The following GPC5 variants were observed in gnomAD, a reference collection of about 807,000 sequenced individuals.
GPC5 encodes glypican-5.
In GPC5, 47 loss-of-function variants were observed where a neutral mutation model predicts 53.9. The observed-to-expected ratio is 0.87, with a 90% CI of 0.69 to 1.11. The LOEUF (loss-of-function observed/expected upper bound fraction) is 1.11, where lower values mean the gene tolerates loss of function less well. Ranked by LOEUF, GPC5 falls within the 50% of genes most tolerant of loss-of-function variation. The pLI, the probability that GPC5 is intolerant of heterozygous loss-of-function variation, is 0.00. For missense variants in GPC5, 748 were observed against 713.1 expected (o/e 1.05, Z -0.56); for synonymous variants, 286 against 263.3 (o/e 1.09, Z -0.84).
intron 7 of GPC5, among the ~76,000 whole-genome samples, chr13:92,585,274 G>T (rs1883502987): frequency 6.6e-6 from 1 of 152,158 alleles, no homozygotes; most frequent in Non-Finnish European, 1.5e-5. Context: ...AGGGGTGGAG[G>T]TGCCCAAGAC....
intron 5 of GPC5, among the ~76,000 whole-genome samples, chr13:91,794,270 T>C (rs1189737081): frequency 6.6e-6 from 1 of 152,166 alleles, no homozygotes. Flanking sequence ...AGAGGGCTGA[T>C]TTCTAGGGTT....
At chr13:91,677,526 A>G (rs942516761) in intron 2 of GPC5, among the ~76,000 whole-genome samples, 1 of 152,202 alleles carries the variant, frequency 6.6e-6, no homozygotes, top group African/African-American at 2.4e-5. Flanking sequence ...CTCAAGTCCC[A>G]GAGCTGGTTA....
chr13:92,747,729 T>C (rs1325301857), intron 7 of GPC5, among the ~76,000 whole-genome samples: 2 of 152,210 alleles, frequency 1.3e-5, no homozygotes, highest in African/African-American at 4.8e-5. Flanking sequence ...AACATGTAGA[T>C]TCTCCCTGAT....
At chr13:92,610,992 C>A (rs1256249706) in intron 7 of GPC5, among the ~76,000 whole-genome samples, 2 of 133,828 alleles carry the variant, frequency 1.5e-5, no homozygotes, top group Non-Finnish European at 3.2e-5. Context: ...TTTGCTTAAT[C>A]TAGGTAGATT....
intron 5 of GPC5, among the ~76,000 whole-genome samples, chr13:91,787,453 A>C (rs895217997): frequency 3.3e-5 from 5 of 152,132 alleles, no homozygotes; most frequent in Non-Finnish European, 5.9e-5. Context: ...ATTTGTTAAT[A>C]TGGTGAATTA....
rs564640230 is a variant in GPC5 at position 91,986,438 on chromosome 13, T to G, written c.1401+78381T>G. 1.8e-4 allele frequency among the ~76,000 whole-genome samples: 28 copies of G among 152,346 alleles called. 1 individual carries two copies. The South Asian group carries it at 5.8e-3, about 32-fold the overall frequency. On this transcript the variant is annotated intron_variant, in intron 6 of 7. Transcript: ENST00000377067. ...TACTAGAAACTACGATTTAGATGAA[T>G]CTTTCAGATGAAATTAATTTGTAAA...
intron 7 of GPC5, among the ~76,000 whole-genome samples, chr13:92,428,259 T>A (rs768660958): frequency 1.3e-5 from 2 of 152,280 alleles, no homozygotes; most frequent in African/African-American, 4.8e-5. Context: ...GATATCCTGG[T>A]TGAGTTGAGC....
intron 6 of GPC5, among the ~76,000 whole-genome samples, chr13:92,059,606 A>G (rs1267716718): frequency 6.6e-6 from 1 of 151,974 alleles, no homozygotes; most frequent in Non-Finnish European, 1.5e-5. Context: ...ACCTGATGTC[A>G]TTTATAATGA....
At chr13:92,698,962 A>C (rs1260726811) in intron 7 of GPC5, among the ~76,000 whole-genome samples, 2 of 151,870 alleles carry the variant, frequency 1.3e-5, no homozygotes, top group African/African-American at 4.8e-5. Context: ...CAAATGAGTT[A>C]GGGATAGCTG....
At chr13:91,437,828 TC>T (rs1352089296) in intron 1 of GPC5, among the ~76,000 whole-genome samples, 7 of 152,248 alleles carry the variant, frequency 4.6e-5, no homozygotes, top group Non-Finnish European at 1.0e-4. Context: ...TTTCACATAG[TC>T]CCATATTTCT....
At chr13:92,442,891 T>G (rs1374713558) in intron 7 of GPC5, among the ~76,000 whole-genome samples, 1 of 152,216 alleles carries the variant, frequency 6.6e-6, no homozygotes, top group East Asian at 1.9e-4. Context: ...CTATACCCAG[T>G]AGCCACTTGA....
intron 7 of GPC5, among the ~76,000 whole-genome samples, chr13:92,303,537 G>A (rs1455563112): frequency 2.0e-5 from 3 of 152,008 alleles, no homozygotes; most frequent in Non-Finnish European, 2.9e-5. Context: ...ATTGTGTCAG[G>A]GAGACAGGCC....
At chr13:91,638,159 C>T (rs1486086481) in intron 2 of GPC5, among the ~76,000 whole-genome samples, 3 of 152,164 alleles carry the variant, frequency 2.0e-5, no homozygotes, top group Non-Finnish European at 4.4e-5. Context: ...AGGGGCTGCT[C>T]ACCTAGAAAC....
At chr13:92,411,776 T>C (rs1421470597) in intron 7 of GPC5, among the ~76,000 whole-genome samples, 1 of 152,242 alleles carries the variant, frequency 6.6e-6, no homozygotes. Flanking sequence ...ATGATGTATA[T>C]AAATCCATAT....
intron 7 of GPC5, among the ~76,000 whole-genome samples, chr13:92,383,872 G>A (rs901401661): frequency 6.6e-6 from 1 of 152,066 alleles, no homozygotes; most frequent in African/African-American, 2.4e-5. Flanking sequence ...CTCTAAGAAT[G>A]CAACTGTCAG....
intron 6 of GPC5, among the ~76,000 whole-genome samples, chr13:92,143,855 T>G (rs2041847898): frequency 6.6e-6 from 1 of 152,146 alleles, no homozygotes. Flanking sequence ...TAATATTATT[T>G]GGAAAGTCAC....
At chr13:91,564,390 G>A (rs1426203154) in intron 2 of GPC5, among the ~76,000 whole-genome samples, 2 of 152,112 alleles carry the variant, frequency 1.3e-5, no homozygotes, top group Non-Finnish European at 2.9e-5. Context: ...CAAGATCTGG[G>A]TACAAACAGC....
rs150523712 is a variant in GPC5, at chr13:91,955,623, C to G, written c.1401+47566C>G. Reference sequence around the variant, plus strand: ...ACCCCCAGTGGTCCCATTCCCACTCCTAGCCATGGGAAAGCCCCTCAACCC... The same window carrying G: ...ACCCCCAGTGGTCCCATTCCCACTCGTAGCCATGGGAAAGCCCCTCAACCC... On this transcript the variant is annotated intron_variant, in intron 6 of 7. Transcript: ENST00000377067. 7.0e-3 allele frequency among the ~76,000 whole-genome samples: 1,063 copies of G among 152,268 alleles called. 7 individuals carry two copies. The highest frequency in any genetic ancestry group is 0.011 in the Non-Finnish European group (778 of 68,018).
At chr13:91,663,248 G>T (rs1320619077) in intron 2 of GPC5, among the ~76,000 whole-genome samples, 1 of 152,112 alleles carries the variant, frequency 6.6e-6, no homozygotes, top group Admixed American at 6.5e-5. Context: ...TATTTTGCCA[G>T]GTTTAGTTCT....
Sources: gnomAD v4.1 joint callset for allele counts (sites outside exome capture counted in the v4.1 genomes callset) on GRCh38, gnomAD v4.1.1 for gene constraint, MANE v1.5 for transcripts, NCBI Gene and HGNC (gene_info 2026-07-23, HGNC 2026-07-21) for gene names.